Variants in DACH1 observed in about 807,000 individuals in gnomAD.
DACH1 encodes dachshund family transcription factor 1.
A neutral mutation model predicts 54.2 loss-of-function variants in DACH1; 12 were observed. The observed-to-expected ratio is 0.22, with a 90% CI of 0.14 to 0.36. The LOEUF is 0.36. Ranked by LOEUF, DACH1 falls within the 10% of genes least tolerant of loss-of-function variation. The probability of loss-of-function intolerance (pLI) is 1.00; values close to 1 mark genes in which losing one functional copy is unlikely to be tolerated. For missense variants in DACH1, 805 were observed against 929.8 expected (o/e 0.87, Z 1.75); for synonymous variants, 386 against 366.2 (o/e 1.05, Z -0.62).
At chr13:71,615,744 C>T (rs970143230) in intron 3 of DACH1, among the ~76,000 whole-genome samples, 3 of 152,030 alleles carry the variant, frequency 2.0e-5, no homozygotes, top group Non-Finnish European at 4.4e-5. Flanking sequence ...GTAGAGGAGG[C>T]AATATTCTAT....
intron 1 of DACH1, among the ~76,000 whole-genome samples, chr13:71,783,198 A>G (rs1385965285): frequency 1.3e-5 from 2 of 152,234 alleles, no homozygotes; most frequent in Non-Finnish European, 2.9e-5. Context: ...CTAACATCAA[A>G]ACCTAAAGAT....
At chr13:71,585,693 A>C (rs1362878911) in intron 3 of DACH1, among the ~76,000 whole-genome samples, 1 of 152,174 alleles carries the variant, frequency 6.6e-6, no homozygotes, top group Non-Finnish European at 1.5e-5. Flanking sequence ...AGATTATGAA[A>C]GTTCTCAGAT....
chr13:71,455,068 T>G (rs1202838601), intron 10 of DACH1, among the ~76,000 whole-genome samples: 1 of 152,184 alleles, frequency 6.6e-6, no homozygotes, highest in Non-Finnish European at 1.5e-5. Flanking sequence ...AATGCTGCCT[T>G]TGATTTCTCC....
At chr13:71,783,964 TA>T (rs35579396) in intron 1 of DACH1, among the ~76,000 whole-genome samples, 49,723 of 115,972 alleles carry the variant, frequency 0.43, 8,410 homozygotes, top group East Asian at 0.56. Flanking sequence ...CTCCAAGGTT[TA>T]AAAAAAAAAA....
intron 3 of DACH1, among the ~76,000 whole-genome samples, chr13:71,592,542 A>T (rs1999339): frequency 0.02 from 3,002 of 151,006 alleles, 25 homozygotes; most frequent in Middle Eastern, 0.066. Flanking sequence ...AAAAGAAAAA[A>T]GAAGAAAAGG....
chr13:71,577,696 A>G (rs1329668070), intron 3 of DACH1, among the ~76,000 whole-genome samples: 1 of 152,230 alleles, frequency 6.6e-6, no homozygotes, highest in African/African-American at 2.4e-5. Context: ...TGGCTATATT[A>G]TAAATCAAAT....
At chr13:71,520,573 C>T (rs1881522831) in intron 6 of DACH1, among the ~76,000 whole-genome samples, 1 of 149,780 alleles carries the variant, frequency 6.7e-6, no homozygotes, top group South Asian at 2.1e-4. Flanking sequence ...TTATTGATTA[C>T]AATCAAAATA....
intron 10 of DACH1, among the ~76,000 whole-genome samples, chr13:71,466,580 C>T (rs1261343403): frequency 1.3e-5 from 2 of 152,106 alleles, no homozygotes; most frequent in African/African-American, 2.4e-5. Flanking sequence ...CGGCGGCTCA[C>T]GCCTGTAATC....
intron 6 of DACH1, among the ~76,000 whole-genome samples, chr13:71,547,244 T>C (rs550780331): frequency 6.6e-6 from 1 of 152,226 alleles, no homozygotes; most frequent in Non-Finnish European, 1.5e-5. Context: ...CATTAATGGA[T>C]TATTTTATAA....
At chr13:71,680,079 A>T (rs561359100) in intron 2 of DACH1, among the ~76,000 whole-genome samples, 4 of 152,204 alleles carry the variant, frequency 2.6e-5, no homozygotes, top group South Asian at 4.1e-4. Context: ...ATGAGCAAGG[A>T]TTAACAACGT....
At chr13:71,828,756 A>G (rs1041830343) in intron 1 of DACH1, among the ~76,000 whole-genome samples, 1 of 151,878 alleles carries the variant, frequency 6.6e-6, no homozygotes, top group Non-Finnish European at 1.5e-5. Context: ...GCTGGTTCCC[A>G]TCTTTGAGTA....
chr13:71,710,615 G>C (rs1445331879), intron 1 of DACH1, among the ~76,000 whole-genome samples: 2 of 152,000 alleles, frequency 1.3e-5, no homozygotes, highest in African/African-American at 2.4e-5. Context: ...TTTTTGAACT[G>C]CTTCTATTTG....
intron 2 of DACH1, among the ~76,000 whole-genome samples, chr13:71,650,065 T>C (rs908314643): frequency 2.0e-5 from 3 of 152,198 alleles, no homozygotes; most frequent in African/African-American, 7.2e-5. Flanking sequence ...TTTAAACGCA[T>C]ATTGGAGCCC....
chr13:71,522,819 T>C (rs2138285525), intron 6 of DACH1, among the ~76,000 whole-genome samples: 1 of 152,258 alleles, frequency 6.6e-6, no homozygotes, highest in Admixed American at 6.6e-5. Context: ...CTGTATACTA[T>C]TTCGCTTTTT....
In DACH1 at chr13:71,848,304, T is replaced by G. The variant is rs144647928; in HGVS notation, c.848+17618A>C. The stretch of plus-strand genomic sequence containing the variant: ...TAACCATGTTAATCTGTCATTCAAA[T>G]TTTCTTTGAAAGTTAGTGTTAATAC... On this transcript the variant is annotated intron_variant, in intron 1 of 10. Transcript: ENST00000613252. Among the ~76,000 whole-genome samples the G allele has an allele frequency of 9.5e-4, 145 of 152,312 alleles. 1 individual carries two copies. Among genetic ancestry groups the G allele is most frequent in the Non-Finnish European group, 1.4e-3 (95 of 68,024 alleles).
At chr13:71,663,314 T>C (rs560055578) in intron 2 of DACH1, among the ~76,000 whole-genome samples, 1 of 152,132 alleles carries the variant, frequency 6.6e-6, no homozygotes, top group Non-Finnish European at 1.5e-5. Context: ...TAGCCTCTGC[T>C]AAACACAGGC....
chr13:71,754,804 G>A (rs1008559292), intron 1 of DACH1, among the ~76,000 whole-genome samples: 21 of 151,566 alleles, frequency 1.4e-4, no homozygotes, highest in African/African-American at 4.6e-4. Context: ...CCACTATCTG[G>A]TGATTCACTG....
chr13:71,801,611 G>A (rs544258969), intron 1 of DACH1, among the ~76,000 whole-genome samples: 1 of 152,194 alleles, frequency 6.6e-6, no homozygotes, highest in South Asian at 2.1e-4. Context: ...CGCATTAATT[G>A]AAACAAGGCA....
At position 71,557,063 on chromosome 13, in the gene DACH1, C is replaced by T. The variant is rs754332332; in HGVS notation, c.1531G>A (p.Asp511Asn). 4 of 1,611,278 alleles carry T rather than the reference C, an allele frequency of 2.5e-6. No individual in the cohort carries two copies. The highest frequency in any genetic ancestry group is 3.4e-5 in the Admixed American group (2 of 59,648). The change falls in exon 6 of 11, where the codon GAC becomes AAC. Residue 511 changes from aspartate to asparagine, a missense_variant. Asp to Asn is a conservative substitution (Grantham distance 23, BLOSUM62 1). Transcript: ENST00000613252. ...GPKEGDLAGHDMGHESKRMHI... is the reference protein window; with the variant it reads ...GPKEGDLAGHNMGHESKRMHI... Reference sequence around the variant, plus strand: ...ATCCTTTTTGACTCATGTCCCATGTCATGACCGGCCAAATCTCCCTCTTTG... The same window carrying T: ...ATCCTTTTTGACTCATGTCCCATGTTATGACCGGCCAAATCTCCCTCTTTG...
Sources: gnomAD v4.1 joint callset for allele counts (sites outside exome capture counted in the v4.1 genomes callset) on GRCh38, gnomAD v4.1.1 for gene constraint, MANE v1.5 for transcripts, NCBI Gene and HGNC (gene_info 2026-07-23, HGNC 2026-07-21) for gene names.